The following SGCD variants were observed in gnomAD, a reference collection of about 807,000 sequenced individuals.
SGCD encodes the protein delta-sarcoglycan.
Under a neutral mutation model 36.6 loss-of-function variants are expected in SGCD, and 18 were observed. That is an observed-to-expected ratio of 0.49 (90% CI 0.34 to 0.73). The LOEUF (loss-of-function observed/expected upper bound fraction) is 0.73. SGCD is among the 30% of genes least tolerant of loss of function. SGCD has a pLI of 0.01. For missense variants in SGCD, 387 were observed against 346.7 expected, an observed-to-expected ratio of 1.12 and a Z score of -0.92; for synonymous variants, 133 against 130.6, an observed-to-expected ratio of 1.02 and a Z score of -0.12.
At chr5:156,700,344 T>C (rs1049969759) in intron 7 of SGCD, among the ~76,000 whole-genome samples, 2 of 152,136 alleles carry the variant, frequency 1.3e-5, no homozygotes, top group African/African-American at 4.8e-5. Flanking sequence ...TTGCTATACC[T>C]CCTTCTCTTC....
intron 4 of SGCD, among the ~76,000 whole-genome samples, chr5:156,557,386 A>C (rs1759071127): frequency 6.6e-6 from 1 of 152,178 alleles, no homozygotes; most frequent in South Asian, 2.1e-4. Context: ...ATTGCTGGCC[A>C]TGTGGTTATT....
At chr5:156,626,530 C>A (rs936783520) in intron 6 of SGCD, among the ~76,000 whole-genome samples, 1 of 152,262 alleles carries the variant, frequency 6.6e-6, no homozygotes, top group Non-Finnish European at 1.5e-5. Context: ...GAATCTCTGC[C>A]TCCTGTTCAG....
chr5:156,703,648 GT>G (rs1215674049), intron 7 of SGCD, among the ~76,000 whole-genome samples: 3 of 152,130 alleles, frequency 2.0e-5, no homozygotes, highest in Non-Finnish European at 4.4e-5. Flanking sequence ...CATTTATTAT[GT>G]ACCTAGCTTG....
rs150235125 is a variant in SGCD at position 156,126,529 on chromosome 5, C to T, written c.-44+2510C>T. Among the ~76,000 whole-genome samples, 302 of 152,214 alleles carry T rather than the reference C, an allele frequency of 2.0e-3. 1 individual carries two copies. Among genetic ancestry groups the T allele is most frequent in the African/African-American group, 6.9e-3 (286 of 41,518 alleles). On this transcript the variant is annotated intron_variant, in intron 3 of 9. Coordinates refer to the SGCD transcript ENST00000517913. ...TGCTGTGCATGTTCATCACAGGGCT[C>T]TGTTCAGCTGTAGTATATATAAAGA...
chr5:156,380,829 T>C (rs1315396306), intron 3 of SGCD, among the ~76,000 whole-genome samples: 1 of 152,204 alleles, frequency 6.6e-6, no homozygotes, highest in African/African-American at 2.4e-5. Flanking sequence ...GTTTGCATTT[T>C]AATTTGAATT....
the SGCD span, among the ~76,000 whole-genome samples, chr5:155,829,644 C>T: frequency 6.6e-6 from 1 of 152,196 alleles, no homozygotes; most frequent in Admixed American, 6.5e-5. Context: ...AACTCATAGC[C>T]TGTTTGAAAA....
At chr5:155,730,347 T>C in the SGCD span, among the ~76,000 whole-genome samples, 29 of 152,126 alleles carry the variant, frequency 1.9e-4, no homozygotes, top group Non-Finnish European at 1.0e-4. Context: ...CTTACTCATT[T>C]GTAGGTTGGG....
At chr5:156,469,853 A>G (rs1456997051) in intron 3 of SGCD, among the ~76,000 whole-genome samples, 2 of 152,206 alleles carry the variant, frequency 1.3e-5, no homozygotes, top group African/African-American at 2.4e-5. Flanking sequence ...AAGAAATGCT[A>G]TGAGGGACAG....
intron 4 of SGCD, among the ~76,000 whole-genome samples, chr5:156,580,709 C>T (rs573721393): frequency 6.6e-6 from 1 of 152,274 alleles, no homozygotes; most frequent in South Asian, 2.1e-4. Context: ...GAAGCTTGTG[C>T]ATGCATCACA....
intron 7 of SGCD, among the ~76,000 whole-genome samples, chr5:156,693,819 C>T (rs896881649): frequency 1.3e-5 from 2 of 152,102 alleles, no homozygotes; most frequent in African/African-American, 4.8e-5. Context: ...GAATTAGCTG[C>T]CAATACTTAG....
At chr5:156,591,361 A>G (rs746921928) in intron 5 of SGCD, among the ~76,000 whole-genome samples, 1 of 152,232 alleles carries the variant, frequency 6.6e-6, no homozygotes, top group African/African-American at 2.4e-5. Flanking sequence ...AATACTTCAC[A>G]TGATAGTTAA....
the SGCD span, among the ~76,000 whole-genome samples, chr5:155,853,508 G>A: frequency 3.3e-5 from 5 of 152,198 alleles, no homozygotes; most frequent in East Asian, 9.7e-4. Flanking sequence ...TCAATAGTTA[G>A]GAGTAAAAAC....
At chr5:156,504,388 GTGTGTATA>G (rs753501492) in intron 3 of SGCD, among the ~76,000 whole-genome samples, 7 of 77,322 alleles carry the variant, frequency 9.1e-5, no homozygotes, top group Non-Finnish European at 1.2e-4. Context: ...GTGGGTGTGT[GTGTGTATA>G]TATATATATA....
intron 3 of SGCD, among the ~76,000 whole-genome samples, chr5:156,242,489 A>C (rs937990850): frequency 2.0e-5 from 3 of 152,182 alleles, no homozygotes; most frequent in Admixed American, 1.3e-4. Context: ...GAGTACATGT[A>C]AGACTTGGGA....
chr5:156,518,618 C>T (rs1236268656), intron 4 of SGCD, among the ~76,000 whole-genome samples: 3 of 152,090 alleles, frequency 2.0e-5, no homozygotes, highest in Admixed American at 2.0e-4. Context: ...GTAAAACACT[C>T]CTCAGCAAAT....
chr5:156,508,228 G>A (rs911539124), intron 3 of SGCD, among the ~76,000 whole-genome samples: 3 of 152,094 alleles, frequency 2.0e-5, no homozygotes, highest in African/African-American at 7.2e-5. Flanking sequence ...AATCTCTGTA[G>A]AGTTCTGGAA....
chr5:156,618,715 CA>C (rs1199673092), intron 6 of SGCD, among the ~76,000 whole-genome samples: 3 of 152,028 alleles, frequency 2.0e-5, no homozygotes, highest in Non-Finnish European at 2.9e-5. Context: ...TTTCCCCTCG[CA>C]AGCTTGAGGG....
chr5:156,112,356 G>C (rs1045285795), intron 1 of SGCD, among the ~76,000 whole-genome samples: 15 of 152,126 alleles, frequency 9.9e-5, no homozygotes, highest in African/African-American at 3.6e-4. Context: ...TGGTAAGAAG[G>C]GTGAGGGAAA....
intron 3 of SGCD, among the ~76,000 whole-genome samples, chr5:156,269,078 G>A (rs977157882): frequency 6.6e-6 from 1 of 152,104 alleles, no homozygotes; most frequent in Non-Finnish European, 1.5e-5. Flanking sequence ...TGGCTGGGGA[G>A]GCCTCAGCAT....
Sources: gnomAD v4.1 joint callset for allele counts (sites outside exome capture counted in the v4.1 genomes callset) on GRCh38, gnomAD v4.1.1 for gene constraint, MANE v1.5 for transcripts, NCBI Gene and HGNC (gene_info 2026-07-23, HGNC 2026-07-21) for gene names.